Variants in PLLP observed in about 807,000 individuals in gnomAD.
PLLP encodes plasmolipin.
In PLLP, 15 loss-of-function variants were observed where a neutral mutation model predicts 19.7. That is an observed-to-expected ratio of 0.76 (90% CI 0.51 to 1.17). The LOEUF (loss-of-function observed/expected upper bound fraction) is 1.17. Ranked by LOEUF, PLLP falls within the 50% of genes most tolerant of loss-of-function variation. The probability of loss-of-function intolerance (pLI) is 0.00; values close to 1 mark genes in which losing one functional copy is unlikely to be tolerated. For synonymous variants in PLLP, 111 were observed against 116.3 expected, an observed-to-expected ratio of 0.95 and a Z score of 0.29; for missense variants, 255 against 258.3, an observed-to-expected ratio of 0.99 and a Z score of 0.09.
intron 1 of PLLP, among the ~76,000 whole-genome samples, chr16:57,276,286 G>A (rs1325306589): frequency 2.0e-5 from 3 of 151,900 alleles, no homozygotes; most frequent in African/African-American, 7.3e-5. Flanking sequence ...GTGAAACCCT[G>A]TCTCTACTAA....
chr16:57,282,399 T>C (rs866396357), intron 1 of PLLP, among the ~76,000 whole-genome samples: 1 of 151,682 alleles, frequency 6.6e-6, no homozygotes, highest in Non-Finnish European at 1.5e-5. Context: ...CATACCACCA[T>C]GCCTGGCTAT....
chr16:57,271,514 G>A (rs2075475755), intron 1 of PLLP, among the ~76,000 whole-genome samples: 1 of 152,076 alleles, frequency 6.6e-6, no homozygotes, highest in Middle Eastern at 3.4e-3. Context: ...GCGTGGTGGT[G>A]GGCACCTGTA....
rs1218944447 is a variant in PLLP, at chr16:57,256,910, G to A, written c.*3C>T. On this transcript the variant is annotated 3_prime_UTR_variant, in exon 4 of 4. Transcript: ENST00000219207. ...CCCCAGAGGGGGCCGTGGCACAGGTGGTTTAGGCATAGCCGCCAGCCATCT... is the reference window on the plus strand; with the variant it reads ...CCCCAGAGGGGGCCGTGGCACAGGTAGTTTAGGCATAGCCGCCAGCCATCT... 2.5e-6 allele frequency: 4 copies of A among 1,598,110 alleles called. No individual in the cohort carries two copies. The highest frequency in any genetic ancestry group is 2.2e-5 in the South Asian group (2 of 90,808).
Position 57,258,519 on chromosome 16 carries a change from T to G in PLLP, c.375A>C (p.Ala125=). The change falls in exon 3 of 4, where the codon GCA becomes GCC. Residue 125 remains alanine (A), a synonymous_variant. Coordinates refer to ENST00000219207, the MANE Select transcript of PLLP (RefSeq NM_015993.3). The part of the protein sequence containing the change: ...YITAFIACSA[A]VDLTSLRGTR... ...TGCCCCTCAGGGATGTCAGGTCAAC[T>G]GCCGCAGAGCAGGCGATGAAGGCGG... The G allele has an allele frequency of 6.2e-7, 1 of 1,613,320 alleles. No homozygotes were observed. The highest frequency in any genetic ancestry group is 1.1e-5 in the South Asian group (1 of 91,070).
intron 1 of PLLP, among the ~76,000 whole-genome samples, chr16:57,274,806 G>A (rs1410094025): frequency 1.3e-5 from 2 of 151,494 alleles, no homozygotes; most frequent in African/African-American, 4.9e-5. Context: ...CTGTCACCCA[G>A]GCTGGAGTGC....
chr16:57,279,359 T>A (rs865809362), intron 1 of PLLP, among the ~76,000 whole-genome samples: 1 of 144,108 alleles, frequency 6.9e-6, no homozygotes, highest in Non-Finnish European at 1.5e-5. Context: ...CTTCTTCTTC[T>A]TCCTTTTTTT....
intron 1 of PLLP, among the ~76,000 whole-genome samples, chr16:57,271,412 G>A (rs539034705): frequency 2.0e-5 from 3 of 152,176 alleles, no homozygotes; most frequent in Non-Finnish European, 2.9e-5. Flanking sequence ...GGGAGGTCAA[G>A]GCAGGTGGAT....
At position 57,261,610 on chromosome 16, in the gene PLLP, A is replaced by G. The variant is rs149705973; in HGVS notation, c.309+287T>C. Among the ~76,000 whole-genome samples, 319 of 152,272 alleles carry G rather than the reference A, an allele frequency of 2.1e-3. 2 individuals carry two copies. The highest frequency in any genetic ancestry group is 7.5e-3 in the African/African-American group (311 of 41,556). On this transcript the variant is annotated intron_variant, in intron 2 of 3. Transcript: ENST00000219207. ...GTGGCACGTGCCTGTAGTCCTAGCT[A>G]CTGGGGAGGCTGAGATGGGAGGATC...
At chr16:57,263,602 T>C (rs1346831642) in intron 1 of PLLP, among the ~76,000 whole-genome samples, 1 of 152,106 alleles carries the variant, frequency 6.6e-6, no homozygotes, top group Non-Finnish European at 1.5e-5. Flanking sequence ...GTCGACTCAC[T>C]ATGCAGACTG....
chr16:57,273,600 C>A (rs1379743210), intron 1 of PLLP, among the ~76,000 whole-genome samples: 3 of 152,184 alleles, frequency 2.0e-5, no homozygotes, highest in African/African-American at 7.2e-5. Context: ...AAAGACAGCA[C>A]CCCCACCACC....
intron 1 of PLLP, among the ~76,000 whole-genome samples, chr16:57,283,224 CTAAA>C (rs1901240784): frequency 6.6e-6 from 1 of 152,090 alleles, no homozygotes; most frequent in Non-Finnish European, 1.5e-5. Context: ...GTCCAATAAT[CTAAA>C]TTTTAAACAA....
chr16:57,273,012 C>A (rs1257557659), intron 1 of PLLP, among the ~76,000 whole-genome samples: 1 of 151,932 alleles, frequency 6.6e-6, no homozygotes, highest in Non-Finnish European at 1.5e-5. Context: ...ATAATCCCAG[C>A]ACTTTGGGAG....
At chr16:57,281,825 T>C (rs1214867471) in intron 1 of PLLP, among the ~76,000 whole-genome samples, 1 of 152,134 alleles carries the variant, frequency 6.6e-6, no homozygotes, top group African/African-American at 2.4e-5. Flanking sequence ...CAAGCAGATT[T>C]CTAAGGCACT....
intron 1 of PLLP, among the ~76,000 whole-genome samples, chr16:57,269,965 C>T (rs2075469144): frequency 6.6e-6 from 1 of 152,112 alleles, no homozygotes; most frequent in Non-Finnish European, 1.5e-5. Flanking sequence ...GACAGGGTTT[C>T]ACCATGTTGC....
chr16:57,284,305 C>G lies in PLLP; in HGVS notation c.135+101G>C, dbSNP rs1248431640. 4.7e-6 allele frequency: 5 copies of G among 1,069,442 alleles called. No individual in the cohort carries two copies. In the South Asian group the frequency reaches 1.0e-4, roughly 22 times the overall value. 66.2% of individuals were successfully genotyped at this position (1,069,442 alleles called of 1,614,324 possible). ...TGACAGTGTGAGCCCGGGTGGGGAG[C>G]GCAAGGTTCGCGAAAAATGAACGCA... On this transcript the variant is annotated intron_variant, in intron 1 of 3. Coordinates refer to ENST00000219207, the MANE Select transcript of PLLP (RefSeq NM_015993.3).
intron 1 of PLLP, among the ~76,000 whole-genome samples, chr16:57,278,257 G>A (rs777001161): frequency 1.3e-5 from 2 of 152,056 alleles, no homozygotes; most frequent in South Asian, 2.1e-4. Flanking sequence ...GGAGAATGGC[G>A]TGAACCCGGG....
intron 1 of PLLP, among the ~76,000 whole-genome samples, chr16:57,276,288 C>T (rs542939435): frequency 1.1e-4 from 16 of 152,086 alleles, no homozygotes; most frequent in Non-Finnish European, 1.6e-4. Flanking sequence ...GAAACCCTGT[C>T]TCTACTAAAA....
rs757490812 is a variant in PLLP at position 57,261,962 on chromosome 16, C to T, written c.244G>A (p.Val82Ile). ...VAVFLWLVTIVLFNLYLFQLH... is the reference protein window; with the variant it reads ...VAVFLWLVTIILFNLYLFQLH... The stretch of plus-strand genomic sequence containing the variant: ...TGAAACAGGTAGAGGTTGAAGAGGA[C>T]GATTGTCACCAGCCAGAGGAAGACA... The change falls in exon 2 of 4, where the codon GTC (valine) becomes ATC (isoleucine). Residue 82 changes from valine (V) to isoleucine (I), a missense_variant. Physicochemically the swap from Val to Ile is conservative, Grantham distance 29. Coordinates refer to ENST00000219207, the MANE Select transcript of PLLP (RefSeq NM_015993.3). 33 of 1,613,972 alleles carry T rather than the reference C, an allele frequency of 2.0e-5. No individual in the cohort carries two copies. In the African/African-American group the frequency reaches 2.3e-4, roughly 11 times the overall value.
chr16:57,272,127 C>T (rs1321991044), intron 1 of PLLP, among the ~76,000 whole-genome samples: 1 of 152,242 alleles, frequency 6.6e-6, no homozygotes, highest in Non-Finnish European at 1.5e-5. Context: ...GGCCTTCCTC[C>T]TTCTGGGCCC....
Sources: gnomAD v4.1 joint callset for allele counts (sites outside exome capture counted in the v4.1 genomes callset) on GRCh38, gnomAD v4.1.1 for gene constraint, MANE v1.5 for transcripts, NCBI Gene and HGNC (gene_info 2026-07-23, HGNC 2026-07-21) for gene names.